The following PLAAT5 variants were observed in gnomAD, a reference collection of about 807,000 sequenced individuals.
PLAAT5 encodes phospholipase A and acyltransferase 5.
PLAAT5 carries 27 observed loss-of-function variants against 27.8 expected under a neutral mutation model. The observed-to-expected ratio is 0.97, with a 90% CI of 0.72 to 1.34. PLAAT5 has a LOEUF of 1.34. Among genes scored for constraint, PLAAT5 ranks in the 40% most tolerant of loss-of-function variants. The pLI is 0.00. For synonymous variants in PLAAT5, 125 were observed against 136.1 expected (o/e 0.92, Z 0.57); for missense variants, 368 against 343.8 (o/e 1.07, Z -0.56).
rs780709220 is a variant in PLAAT5 at position 63,491,038 on chromosome 11, G to A, written c.-4C>T. On this transcript the variant is annotated 5_prime_UTR_variant, in exon 1 of 6. Transcript: ENST00000540857. ...CGGCGCCCGGGCTCAGGCCCATCCC[G>A]CCTCTGCGGCCTCGCCGGCCCCCAG... is the stretch of plus-strand genomic sequence containing the variant. 4.9e-6 allele frequency: 7 copies of A among 1,431,788 alleles called. No individual in the cohort carries two copies. In the East Asian group the frequency reaches 2.0e-4, roughly 41 times the overall value. The allele number at this position is 1,431,788 out of a possible 1,614,324, so 88.7% of individuals were successfully genotyped here.
intron 3 of PLAAT5, among the ~76,000 whole-genome samples, chr11:63,481,926 G>A (rs1219992717): frequency 1.3e-5 from 2 of 152,194 alleles, no homozygotes; most frequent in African/African-American, 4.8e-5. Context: ...GGAGCGGGGA[G>A]GGATAGAATT....
At chr11:63,485,315 A>G (rs1265890200) in intron 3 of PLAAT5, among the ~76,000 whole-genome samples, 1 of 152,214 alleles carries the variant, frequency 6.6e-6, no homozygotes, top group East Asian at 1.9e-4. Context: ...AAGAGCCCAC[A>G]TAGCCAAAGC....
chr11:63,473,741 C>G (rs1195526381), intron 3 of PLAAT5, among the ~76,000 whole-genome samples: 1 of 137,528 alleles, frequency 7.3e-6, no homozygotes, highest in African/African-American at 2.8e-5. Flanking sequence ...GAGAGGAAGT[C>G]TAACTCTGTT....
At chr11:63,490,414 T>C in intron 1 of PLAAT5, 81 bp from the exon 2 acceptor site, 3 of 1,609,214 alleles carry the variant, frequency 1.9e-6, no homozygotes, top group Non-Finnish European at 2.5e-6. Context: ...GAGAGTGGGC[T>C]CAGAGCTCTA....
At chr11:63,490,508 G>C in intron 1 of PLAAT5, 175 bp from the exon 2 acceptor site, 1 of 986,168 alleles carries the variant, frequency 1.0e-6, no homozygotes, top group Non-Finnish European at 1.5e-6. Flanking sequence ...GTGCTGGAGC[G>C]GGTTCAGTTC....
At chr11:63,484,580 A>T (rs963158037) in intron 3 of PLAAT5, among the ~76,000 whole-genome samples, 4 of 152,210 alleles carry the variant, frequency 2.6e-5, no homozygotes, top group African/African-American at 9.6e-5. Flanking sequence ...ATAGCATTTG[A>T]CAAGATCCAG....
At chr11:63,474,551 T>C (rs1453693252) in intron 3 of PLAAT5, among the ~76,000 whole-genome samples, 1 of 152,136 alleles carries the variant, frequency 6.6e-6, no homozygotes, top group Non-Finnish European at 1.5e-5. Context: ...TTGAGTGCTC[T>C]CTCTTTTTTT....
chr11:63,481,976 C>A (rs562952093), intron 3 of PLAAT5, among the ~76,000 whole-genome samples: 1 of 152,246 alleles, frequency 6.6e-6, no homozygotes, highest in African/African-American at 2.4e-5. Context: ...TTAATAGGTG[C>A]AGCGCACCAA....
intron 4 of PLAAT5, 54 bp from the exon 5 acceptor site, chr11:63,466,426 GCA>G: frequency 1.3e-6 from 2 of 1,572,192 alleles, no homozygotes; most frequent in South Asian, 2.3e-5. Context: ...GCAAAGCAGA[GCA>G]CAGTCTAAGA....
At chr11:63,490,207 T>C in intron 2 of PLAAT5, 36 bp downstream of exon 2, 1 of 1,613,650 alleles carries the variant, frequency 6.2e-7, no homozygotes, top group Non-Finnish European at 8.5e-7. Context: ...AAAAGATTTC[T>C]TCCACCCAAA....
At position 63,468,250 on chromosome 11, in the gene PLAAT5, T is replaced by C. The variant is rs376221223; in HGVS notation, c.454+107A>G. 43 of 828,002 alleles carry C rather than the reference T, an allele frequency of 5.2e-5. No individual in the cohort carries two copies. In the African/African-American group the frequency reaches 5.7e-4, roughly 11 times the overall value. The allele number at this position is 828,002 out of a possible 1,614,324, so 51.3% of individuals were successfully genotyped here. A position where few individuals can be genotyped will look rare whatever the true frequency, so the allele number is the denominator to read the frequency against. On this transcript the variant is annotated intron_variant, in intron 4 of 5. Coordinates refer to ENST00000540857, the MANE Select transcript of PLAAT5 (RefSeq NM_001146729.2). ...AAAGGTCCAGTCATGCTTCAAGGGG[T>C]CCCATTGCTAAAGAATGGCAGTAAC...
At chr11:63,485,172 T>C (rs1362273312) in intron 3 of PLAAT5, among the ~76,000 whole-genome samples, 1 of 152,204 alleles carries the variant, frequency 6.6e-6, no homozygotes, top group African/African-American at 2.4e-5. Flanking sequence ...CTCATGCTCA[T>C]GGATGGGTAG....
chr11:63,487,952 T>G lies in PLAAT5; in HGVS notation c.345+919A>C, dbSNP rs545997537. ...TGAGGTCGGGAGATCGAGACCATCC[T>G]GGCTAACACAGTGAAACCCCGTCTC... On this transcript the variant is annotated intron_variant, in intron 3 of 5. Transcript: ENST00000540857. Among the ~76,000 whole-genome samples, 3 of 152,312 alleles carry G rather than the reference T, an allele frequency of 2.0e-5. No individual in the cohort carries two copies. In the East Asian group the frequency reaches 5.8e-4, roughly 29 times the overall value.
chr11:63,484,227 A>T (rs559202530), intron 3 of PLAAT5, among the ~76,000 whole-genome samples: 8 of 151,778 alleles, frequency 5.3e-5, no homozygotes, highest in African/African-American at 1.9e-4. Context: ...CAAAGCATTG[A>T]TATCAATCTT....
chr11:63,483,441 T>C (rs2016332077), intron 3 of PLAAT5, among the ~76,000 whole-genome samples: 1 of 151,598 alleles, frequency 6.6e-6, no homozygotes, highest in Non-Finnish European at 1.5e-5. Context: ...AATTAGAAAT[T>C]AACTCTGAAA....
intron 3 of PLAAT5, among the ~76,000 whole-genome samples, chr11:63,487,092 C>T (rs1170339913): frequency 3.3e-5 from 5 of 152,060 alleles, no homozygotes; most frequent in Non-Finnish European, 7.4e-5. Context: ...ATTACATTTC[C>T]GTTTTATAAA....
chr11:63,469,092 TTC>T (rs938761661), intron 3 of PLAAT5, among the ~76,000 whole-genome samples: 6 of 147,142 alleles, frequency 4.1e-5, no homozygotes, highest in Non-Finnish European at 8.9e-5. Context: ...AAATGCAAAC[TTC>T]TCTATTATCG....
At chr11:63,470,888 T>C (rs1326082874) in intron 3 of PLAAT5, 1 of 152,158 alleles carries the variant, frequency 6.6e-6, no homozygotes, top group Non-Finnish European at 1.5e-5. Flanking sequence ...TTAAAGTGAA[T>C]AAGAGTATTT....
chr11:63,479,376 G>A (rs934965946), intron 3 of PLAAT5, among the ~76,000 whole-genome samples: 2 of 152,152 alleles, frequency 1.3e-5, no homozygotes, highest in Non-Finnish European at 2.9e-5. Flanking sequence ...AAATGGCAAA[G>A]GATCAGAGAA....
Sources: gnomAD v4.1 joint callset for allele counts (sites outside exome capture counted in the v4.1 genomes callset) on GRCh38, gnomAD v4.1.1 for gene constraint, MANE v1.5 for transcripts, NCBI Gene and HGNC (gene_info 2026-07-23, HGNC 2026-07-21) for gene names.